The following TENM2 variants were observed in gnomAD, a reference collection of about 807,000 sequenced individuals.
The protein encoded by TENM2 is teneurin-2.
In TENM2, 52 loss-of-function variants were observed where a neutral mutation model predicts 245.2. The observed-to-expected ratio is 0.21, with a 90% CI of 0.17 to 0.27. The LOEUF is 0.27. TENM2 is among the 10% of genes least tolerant of loss of function. The pLI is 1.00. For missense variants in TENM2, 3,046 were observed against 3,666.8 expected, an observed-to-expected ratio of 0.83 and a Z score of 4.37; for synonymous variants, 1,363 against 1,438.9, an observed-to-expected ratio of 0.95 and a Z score of 1.19.
chr5:167,749,003 T>A (rs1188799266), intron 2 of TENM2, among the ~76,000 whole-genome samples: 31 of 152,092 alleles, frequency 2.0e-4, no homozygotes, highest in Non-Finnish European at 2.9e-5. Flanking sequence ...CCCCTCAGCC[T>A]CCCAAAGTGC....
intron 2 of TENM2, among the ~76,000 whole-genome samples, chr5:167,540,763 T>C (rs1772152230): frequency 6.6e-6 from 1 of 152,234 alleles, no homozygotes; most frequent in African/African-American, 2.4e-5. Context: ...TTAAAATTTC[T>C]AAGCTTCTAT....
chr5:167,222,136 G>A, the TENM2 span, among the ~76,000 whole-genome samples: 50 of 152,200 alleles, frequency 3.3e-4, no homozygotes, highest in Non-Finnish European at 6.0e-4. Flanking sequence ...CACTAGAAAT[G>A]GAATTTCAGC....
At chr5:167,543,642 T>A (rs2127608404) in intron 2 of TENM2, among the ~76,000 whole-genome samples, 1 of 152,320 alleles carries the variant, frequency 6.6e-6, no homozygotes, top group African/African-American at 2.4e-5. Context: ...AGTAGAAATT[T>A]ATTTTCACAT....
chr5:168,260,649 T>A (rs1373455524), intron 28 of TENM2, among the ~76,000 whole-genome samples: 1 of 152,186 alleles, frequency 6.6e-6, no homozygotes, highest in Non-Finnish European at 1.5e-5. Flanking sequence ...CATTATCTGT[T>A]CAGTAGAATA....
chr5:167,351,716 G>T (rs140480107), intron 1 of TENM2, among the ~76,000 whole-genome samples: 25 of 152,148 alleles, frequency 1.6e-4, no homozygotes, highest in Non-Finnish European at 1.3e-4. Flanking sequence ...GCCTAATAAT[G>T]AAGGGATGGT....
Position 167,926,619 on chromosome 5 carries a change from G to A in TENM2, c.713-25969G>A, listed in dbSNP as rs369543192. On this transcript the variant is annotated intron_variant, in intron 3 of 28. Coordinates refer to ENST00000518659, the Ensembl canonical transcript of TENM2. ...ACCCGTAATGCTAGCTACTTGGGAC[G>A]CTGAGGCAGGAGAATCGCTTGAACC... 1.4e-4 allele frequency among the ~76,000 whole-genome samples: 22 copies of A among 152,044 alleles called. No homozygotes were observed. The Middle Eastern group carries it at 0.01, about 71-fold the overall frequency.
At chr5:167,829,046 G>A (rs1190922496) in intron 2 of TENM2, among the ~76,000 whole-genome samples, 1 of 152,206 alleles carries the variant, frequency 6.6e-6, no homozygotes, top group Non-Finnish European at 1.5e-5. Context: ...GGCTCTTGCT[G>A]CTACTGAGAG....
At chr5:167,051,640 G>A in the TENM2 span, among the ~76,000 whole-genome samples, 1 of 152,192 alleles carries the variant, frequency 6.6e-6, no homozygotes, top group Non-Finnish European at 1.5e-5. Context: ...TGCTCACGAC[G>A]TATTCTACAC....
chr5:167,613,989 T>G (rs1034069474), intron 2 of TENM2, among the ~76,000 whole-genome samples: 1 of 152,170 alleles, frequency 6.6e-6, no homozygotes, highest in African/African-American at 2.4e-5. Context: ...ATCAACCAGA[T>G]TTTTATAATA....
intron 9 of TENM2, among the ~76,000 whole-genome samples, chr5:168,101,399 G>T (rs1460442241): frequency 6.6e-6 from 1 of 152,110 alleles, no homozygotes; most frequent in African/African-American, 2.4e-5. Flanking sequence ...CCAGTGACTG[G>T]CCTTTTAAAC....
chr5:167,695,139 T>C (rs1445954864), intron 2 of TENM2, among the ~76,000 whole-genome samples: 2 of 152,196 alleles, frequency 1.3e-5, no homozygotes, highest in African/African-American at 2.4e-5. Context: ...GTATGGGAGC[T>C]ACACATACCA....
chr5:168,108,638 A>G (rs1344521782), intron 9 of TENM2, among the ~76,000 whole-genome samples: 1 of 152,230 alleles, frequency 6.6e-6, no homozygotes, highest in Non-Finnish European at 1.5e-5. Flanking sequence ...CCAAGGTTAC[A>G]TAGCAGGGCC....
At chr5:167,434,378 G>A (rs371582780) in intron 2 of TENM2, among the ~76,000 whole-genome samples, 5 of 133,944 alleles carry the variant, frequency 3.7e-5, no homozygotes, top group East Asian at 2.3e-4. Context: ...GTGCTGCTGC[G>A]CTCCAGCCTG....
At position 167,595,644 on chromosome 5, in the gene TENM2, A is replaced by G. The variant is rs551732711; in HGVS notation, c.502+220171A>G. ...ATTTGGATTTCGTTAGTTGTTTAGT[A>G]TTCCTTTAGCAATTTCAGACTTATT... is the stretch of plus-strand genomic sequence containing the variant. On this transcript the variant is annotated intron_variant, in intron 2 of 28. Coordinates refer to ENST00000518659, the Ensembl canonical transcript of TENM2. Among the ~76,000 whole-genome samples, 3 of 152,342 alleles carry G rather than the reference A, an allele frequency of 2.0e-5. No individual in the cohort carries two copies. In the East Asian group the frequency reaches 5.8e-4, roughly 29 times the overall value.
At chr5:167,429,348 A>G (rs1197404301) in intron 2 of TENM2, among the ~76,000 whole-genome samples, 1 of 152,128 alleles carries the variant, frequency 6.6e-6, no homozygotes, top group Non-Finnish European at 1.5e-5. Context: ...GATTGTTGTG[A>G]GGACTAAATT....
At chr5:167,386,692 G>T (rs983379180) in intron 2 of TENM2, among the ~76,000 whole-genome samples, 3 of 152,114 alleles carry the variant, frequency 2.0e-5, no homozygotes, top group Non-Finnish European at 2.9e-5. Flanking sequence ...TTTTGTATAA[G>T]ATGAGAGATG....
chr5:167,445,369 A>AGAGAGAGAGAGAGAGAGAGAGT lies in TENM2; in HGVS notation c.502+69897_502+69898insAGAGAGAGAGAGAGAGAGAGTG, dbSNP rs35699708. 8.7e-3 allele frequency among the ~76,000 whole-genome samples: 848 copies of AGAGAGAGAGAGAGAGAGAGAGT among 98,028 alleles called. 40 individuals carry two copies. The highest frequency in any genetic ancestry group is 0.014 in the African/African-American group (281 of 19,722). 64.3% of individuals were successfully genotyped at this position (98,028 alleles called of 152,430 possible). A position where few individuals can be genotyped will look rare whatever the true frequency, so the allele number is the denominator to read the frequency against. ...GAGAGAGAGAGAGAGAGAGAGAGAG[A>AGAGAGAGAGAGAGAGAGAGAGT]GTGTCAGGTGTTGTCTTGTTGTTGG... On this transcript the variant is annotated intron_variant, in intron 2 of 28. Transcript: ENST00000518659.
chr5:167,280,115 A>G (rs972008917), upstream of TENM2, among the ~76,000 whole-genome samples: 3 of 152,172 alleles, frequency 2.0e-5, no homozygotes, highest in African/African-American at 7.2e-5. Context: ...GCTTCTGTCA[A>G]CATTCAAAGG....
the TENM2 span, among the ~76,000 whole-genome samples, chr5:166,991,277 A>G: frequency 6.6e-6 from 1 of 151,688 alleles, no homozygotes; most frequent in African/African-American, 2.4e-5. Flanking sequence ...ACAAATAGAG[A>G]AGTGACTGTT....
Sources: allele counts gnomAD v4.1 joint callset (sites outside exome capture counted in the v4.1 genomes callset), GRCh38; gene constraint gnomAD v4.1.1; transcripts MANE v1.5; gene names NCBI Gene and HGNC (gene_info 2026-07-23, HGNC 2026-07-21).